VPS13B: variants seen among roughly 807,000 people sequenced by gnomAD.
The protein encoded by VPS13B is intermembrane lipid transfer protein VPS13B.
A neutral mutation model predicts 426.4 loss-of-function variants in VPS13B; 285 were observed. That is an observed-to-expected ratio of 0.67 (90% CI 0.61 to 0.74). The LOEUF is 0.74. VPS13B is among the 30% of genes least tolerant of loss of function. VPS13B has a pLI of 0.00. For missense variants in VPS13B, 4,537 were observed against 4,782.6 expected, an observed-to-expected ratio of 0.95 and a Z score of 1.51; for synonymous variants, 1,676 against 1,676.4, an observed-to-expected ratio of 1.00 and a Z score of 0.01.
intron 35 of VPS13B, among the ~76,000 whole-genome samples, chr8:99,667,328 A>G (rs1046131451): frequency 6.7e-4 from 102 of 152,238 alleles, no homozygotes; most frequent in Non-Finnish European, 2.5e-4. Context: ...TTTTGTTTTT[A>G]GTATCAGTCA....
intron 25 of VPS13B, among the ~76,000 whole-genome samples, chr8:99,499,742 G>A (rs1013451209): frequency 2.0e-5 from 3 of 152,116 alleles, no homozygotes; most frequent in Admixed American, 2.0e-4. Flanking sequence ...TGAGATATTT[G>A]CTTTGCTTGG....
intron 33 of VPS13B, among the ~76,000 whole-genome samples, chr8:99,629,027 G>T (rs1828730674): frequency 6.6e-6 from 1 of 152,078 alleles, no homozygotes; most frequent in African/African-American, 2.4e-5. Flanking sequence ...GCCTCCCAAA[G>T]ATCTGGTATT....
chr8:99,546,064 T>G (rs1373231355), intron 30 of VPS13B, among the ~76,000 whole-genome samples: 1 of 152,080 alleles, frequency 6.6e-6, no homozygotes, highest in African/African-American at 2.4e-5. Flanking sequence ...ATTCATACCT[T>G]TCTTTACAAA....
At chr8:99,361,967 T>A (rs968219648) in intron 19 of VPS13B, among the ~76,000 whole-genome samples, 1 of 152,082 alleles carries the variant, frequency 6.6e-6, no homozygotes, top group Non-Finnish European at 1.5e-5. Context: ...GTGAAGTGAT[T>A]TGGTCAAGAA....
chr8:99,714,810 G>T (rs1832846758), intron 36 of VPS13B, among the ~76,000 whole-genome samples: 1 of 152,166 alleles, frequency 6.6e-6, no homozygotes, highest in South Asian at 2.1e-4. Flanking sequence ...GACAAAGAAA[G>T]CTGGGGGATG....
Position 99,507,085 on chromosome 8 carries a change from C to T in VPS13B, c.4158-52C>T. 8 of 1,597,748 alleles carry T rather than the reference C, an allele frequency of 5.0e-6. No homozygotes were observed. The South Asian group carries it at 6.6e-5, about 13-fold the overall frequency. ...TGAAATAGTTATGTATGTTCAATTTCTTAACTCAGAAAAATTGAAGAGAAC... is the reference window on the plus strand; with the variant it reads ...TGAAATAGTTATGTATGTTCAATTTTTTAACTCAGAAAAATTGAAGAGAAC... On this transcript the variant is annotated intron_variant, in intron 27 of 61. Coordinates refer to ENST00000357162, the MANE Select transcript of VPS13B (RefSeq NM_152564.5).
At chr8:99,150,714 A>G (rs1811027726) in intron 14 of VPS13B, among the ~76,000 whole-genome samples, 1 of 152,166 alleles carries the variant, frequency 6.6e-6, no homozygotes, top group Admixed American at 6.5e-5. Flanking sequence ...ATGGCTTGAT[A>G]GCTGATTTCT....
At chr8:99,433,125 C>T (rs1430922499) in intron 22 of VPS13B, among the ~76,000 whole-genome samples, 2 of 152,164 alleles carry the variant, frequency 1.3e-5, no homozygotes, top group Admixed American at 6.5e-5. Context: ...TTCTCTATTC[C>T]ATCTTTCTCT....
chr8:99,508,530 T>C lies in VPS13B; in HGVS notation c.4224+1327T>C, dbSNP rs1588447903. On this transcript the variant is annotated intron_variant, in intron 28 of 61. Coordinates refer to ENST00000357162, the MANE Select transcript of VPS13B (RefSeq NM_152564.5). Reference sequence around the variant, plus strand: ...GTGTATTTGCATAGCAAGTGTTATGTTCTGATTTTATTTTGAGCTTTTACT... The same window carrying C: ...GTGTATTTGCATAGCAAGTGTTATGCTCTGATTTTATTTTGAGCTTTTACT... Among the ~76,000 whole-genome samples, 2 of 152,202 alleles carry C rather than the reference T, an allele frequency of 1.3e-5. 1 individual carries two copies. Among genetic ancestry groups the C allele is most frequent in the South Asian group, 4.1e-4 (2 of 4,832 alleles).
intron 2 of VPS13B, among the ~76,000 whole-genome samples, chr8:99,016,766 A>G (rs970315927): frequency 2.6e-5 from 4 of 151,122 alleles, no homozygotes; most frequent in South Asian, 2.1e-4. Flanking sequence ...AATTTTTTGT[A>G]TTTTTAATGG....
chr8:99,104,502 G>C (rs887655360), intron 5 of VPS13B, among the ~76,000 whole-genome samples: 1 of 152,118 alleles, frequency 6.6e-6, no homozygotes. Context: ...TTTTAGGCTT[G>C]TGTGTTCCAA....
In VPS13B at chr8:99,202,145, T is replaced by C. The variant is rs146825893; in HGVS notation, c.2515+9088T>C. Among the ~76,000 whole-genome samples the C allele has an allele frequency of 8.4e-4, 128 of 152,316 alleles. 2 individuals are homozygous for C. The highest frequency in any genetic ancestry group is 7.6e-3 in the Admixed American group (117 of 15,306). The stretch of plus-strand genomic sequence containing the variant: ...ACAGTCAGAATTGTAGTCTAGGTGA[T>C]CCGTTATTTTGGTTGCAAGGATGAT... On this transcript the variant is annotated intron_variant, in intron 17 of 61. Transcript: ENST00000357162.
intron 33 of VPS13B, among the ~76,000 whole-genome samples, chr8:99,596,437 A>G (rs1827019627): frequency 6.6e-6 from 1 of 152,042 alleles, no homozygotes; most frequent in African/African-American, 2.4e-5. Context: ...TTTCTCAGGT[A>G]ACAGTCCTTA....
intron 21 of VPS13B, among the ~76,000 whole-genome samples, chr8:99,416,407 C>T (rs914810982): frequency 2.1e-4 from 32 of 152,056 alleles, no homozygotes; most frequent in Non-Finnish European, 4.1e-4. Context: ...GACTTCAGTC[C>T]CCTTTCCAGG....
chr8:99,255,218 T>C (rs779264905), intron 17 of VPS13B, among the ~76,000 whole-genome samples: 23 of 152,280 alleles, frequency 1.5e-4, no homozygotes, highest in Non-Finnish European at 1.8e-4. Flanking sequence ...TTTGTTTTTA[T>C]GTCGTTGTCC....
At chr8:99,100,342 G>A (rs976339088) in intron 4 of VPS13B, among the ~76,000 whole-genome samples, 7 of 152,176 alleles carry the variant, frequency 4.6e-5, no homozygotes, top group African/African-American at 1.7e-4. Context: ...CCAGGCTGGA[G>A]TGTGATGGTG....
At chr8:99,223,304 A>G (rs964959624) in intron 17 of VPS13B, among the ~76,000 whole-genome samples, 2 of 152,112 alleles carry the variant, frequency 1.3e-5, no homozygotes, top group African/African-American at 4.8e-5. Flanking sequence ...TTATAATCTA[A>G]ATATAGTAAA....
intron 17 of VPS13B, among the ~76,000 whole-genome samples, chr8:99,205,698 A>G (rs1041121958): frequency 6.6e-6 from 1 of 152,154 alleles, no homozygotes; most frequent in Non-Finnish European, 1.5e-5. Flanking sequence ...TCTTACCAGG[A>G]ATATTGTTGT....
At chr8:99,318,396 A>C (rs1401112757) in intron 19 of VPS13B, among the ~76,000 whole-genome samples, 1 of 152,000 alleles carries the variant, frequency 6.6e-6, no homozygotes, top group Non-Finnish European at 1.5e-5. Context: ...CAGTTTATCT[A>C]TTCCTGTCCT....
Sources: gnomAD v4.1 joint callset for allele counts (sites outside exome capture counted in the v4.1 genomes callset) on GRCh38, gnomAD v4.1.1 for gene constraint, MANE v1.5 for transcripts, NCBI Gene and HGNC (gene_info 2026-07-23, HGNC 2026-07-21) for gene names.